The following MYCBP2 variants were observed in gnomAD, a reference collection of about 807,000 sequenced individuals.
MYCBP2 encodes the protein MYC binding protein 2.
MYCBP2 carries 120 observed loss-of-function variants against 525.3 expected under a neutral mutation model. That is an observed-to-expected ratio of 0.23 (90% CI 0.20 to 0.27). MYCBP2 has a LOEUF of 0.27. Ranked by LOEUF, MYCBP2 falls within the 10% of genes least tolerant of loss-of-function variation. The pLI, the probability that MYCBP2 is intolerant of heterozygous loss-of-function variation, is 1.00. For missense variants in MYCBP2, 4,149 were observed against 5,657.1 expected (o/e 0.73, Z 8.55); for synonymous variants, 1,894 against 1,955.8 (o/e 0.97, Z 0.83).
chr13:77,264,634 T>C (rs929546756), intron 8 of MYCBP2, among the ~76,000 whole-genome samples: 20 of 152,268 alleles, frequency 1.3e-4, no homozygotes, highest in African/African-American at 4.8e-4. Context: ...GTATCTTGGC[T>C]AGAATACCAT....
chr13:77,291,533 G>A (rs1594710821), intron 2 of MYCBP2, among the ~76,000 whole-genome samples: 2 of 152,226 alleles, frequency 1.3e-5, no homozygotes, highest in South Asian at 2.1e-4. Context: ...CACTTTGGGA[G>A]GCCAAGGCGG....
chr13:77,121,886 A>G (rs2050761566), intron 54 of MYCBP2, among the ~76,000 whole-genome samples: 1 of 152,188 alleles, frequency 6.6e-6, no homozygotes. Flanking sequence ...AGTATTTTGC[A>G]TATTAGTATT....
At chr13:77,071,286 C>CACAT (rs904560524) in intron 68 of MYCBP2, among the ~76,000 whole-genome samples, 1 of 151,746 alleles carries the variant, frequency 6.6e-6, no homozygotes, top group Non-Finnish European at 1.5e-5. Flanking sequence ...CACACACACA[C>CACAT]ACACACACAC....
intron 57 of MYCBP2, 114 bp downstream of exon 57, chr13:77,096,198 T>C: frequency 9.2e-7 from 1 of 1,090,976 alleles, no homozygotes. Context: ...TTATAAAAGC[T>C]GATCTTTTAA....
At chr13:77,254,961 A>G (rs2071906064) in intron 14 of MYCBP2, among the ~76,000 whole-genome samples, 1 of 151,848 alleles carries the variant, frequency 6.6e-6, no homozygotes, top group East Asian at 1.9e-4. Context: ...ATAATATTCT[A>G]TTGTGTATGT....
intron 82 of MYCBP2, among the ~76,000 whole-genome samples, chr13:77,049,617 G>A (rs1209794267): frequency 1.3e-5 from 2 of 151,780 alleles, no homozygotes; most frequent in African/African-American, 4.8e-5. Context: ...CTTACAAAAG[G>A]CAGCATACTG....
At chr13:77,053,066 A>G (rs1022463312) in intron 80 of MYCBP2, among the ~76,000 whole-genome samples, 2 of 151,644 alleles carry the variant, frequency 1.3e-5, no homozygotes, top group Non-Finnish European at 1.5e-5. Flanking sequence ...TGAGCCCAGG[A>G]GGTGGAGGCT....
chr13:77,254,520 C>T (rs1355390618), intron 14 of MYCBP2, among the ~76,000 whole-genome samples: 1 of 151,732 alleles, frequency 6.6e-6, no homozygotes. Context: ...ACTGTTATAC[C>T]TATTTATGGC....
intron 47 of MYCBP2, among the ~76,000 whole-genome samples, 164 bp from the exon 48 acceptor site, chr13:77,146,381 T>C (rs554617511): frequency 1.3e-5 from 2 of 151,474 alleles, no homozygotes; most frequent in South Asian, 4.2e-4. Flanking sequence ...AAAGATAAAT[T>C]CTACAAGGTT....
chr13:77,290,896 T>C (rs941900552), intron 2 of MYCBP2, among the ~76,000 whole-genome samples: 1 of 152,084 alleles, frequency 6.6e-6, no homozygotes, highest in African/African-American at 2.4e-5. Context: ...AAAATAAATT[T>C]TCAAAAATAA....
At chr13:77,258,348 C>G (rs2072610257) in intron 13 of MYCBP2, among the ~76,000 whole-genome samples, 1 of 152,158 alleles carries the variant, frequency 6.6e-6, no homozygotes, top group Admixed American at 6.5e-5. Context: ...CTAAACTTCA[C>G]TTATTCATGT....
In MYCBP2 at chr13:77,165,412, G is replaced by T. The variant is rs756099346; in HGVS notation, c.6341-21C>A. The T allele has an allele frequency of 1.7e-5, 26 of 1,518,642 alleles. No individual in the cohort carries two copies. The Middle Eastern group carries it at 8.9e-4, about 52-fold the overall frequency. The allele number at this position is 1,518,642 out of a possible 1,614,324, so 94.1% of individuals were successfully genotyped here. ...ATTTCCTAATAAAAATGCCAGAATT[G>T]AGTTCAAACTCTAAAACAATTTTAT... On this transcript the variant is annotated intron_variant, in intron 41 of 82. Transcript: ENST00000544440.
intron 68 of MYCBP2, among the ~76,000 whole-genome samples, chr13:77,071,273 A>ACG (rs1395840494): frequency 2.1e-5 from 2 of 95,224 alleles, no homozygotes; most frequent in Non-Finnish European, 4.5e-5. Context: ...GTGCACACGC[A>ACG]CACACACACA....
Position 77,099,007 on chromosome 13 carries a change from C to T in MYCBP2, c.8147G>A (p.Arg2716Gln), listed in dbSNP as rs138546129. ...DYGLGNSKGD[R>Q]GNISTSSKPA... ...TTTAGAAGATGTTGAGATGTTTCCTCGATCACCTGTATGGTCCATTTTACA... is the reference window on the plus strand; with the variant it reads ...TTTAGAAGATGTTGAGATGTTTCCTTGATCACCTGTATGGTCCATTTTACA... The change falls in exon 56 of 83, where the codon CGA becomes CAA. Residue 2716 changes from arginine to glutamine, a missense_variant. Arg to Gln is a conservative substitution (Grantham distance 43, BLOSUM62 1). Transcript: ENST00000544440. 4.1e-5 allele frequency: 65 copies of T among 1,604,778 alleles called. No individual in the cohort carries two copies. The African/African-American group carries it at 7.1e-4, about 18-fold the overall frequency.
At chr13:77,071,098 T>C (rs772852596) in intron 68 of MYCBP2, among the ~76,000 whole-genome samples, 28 of 152,062 alleles carry the variant, frequency 1.8e-4, no homozygotes, top group East Asian at 1.9e-4. Context: ...TCTGTGATGA[T>C]AGTGGTCTTA....
At chr13:77,267,043 G>T (rs2074206065) in intron 8 of MYCBP2, among the ~76,000 whole-genome samples, 1 of 151,962 alleles carries the variant, frequency 6.6e-6, no homozygotes, top group African/African-American at 2.4e-5. Flanking sequence ...CTTTCAGATG[G>T]TCAAACGCTT....
At chr13:77,201,864 T>C (rs2062624745) in intron 26 of MYCBP2, among the ~76,000 whole-genome samples, 1 of 151,932 alleles carries the variant, frequency 6.6e-6, no homozygotes, top group Non-Finnish European at 1.5e-5. Flanking sequence ...AGACGCAACA[T>C]ACCAGAATCT....
intron 20 of MYCBP2, among the ~76,000 whole-genome samples, chr13:77,218,519 C>T (rs1426906447): frequency 6.6e-6 from 1 of 152,130 alleles, no homozygotes; most frequent in Non-Finnish European, 1.5e-5. Flanking sequence ...ATCCTGGCTC[C>T]CCAACTTAAT....
Position 77,255,621 on chromosome 13 carries a change from A to C in MYCBP2, c.2176+2050T>G, listed in dbSNP as rs888388756. On this transcript the variant is annotated intron_variant, in intron 14 of 82. Transcript: ENST00000544440. ...GTTCACTAATTTAGTAATAAATCAA[A>C]GTATTTCCATTGTGAAGTAATCCAT... Among the ~76,000 whole-genome samples the C allele has an allele frequency of 6.6e-5, 10 of 151,952 alleles. 1 individual carries two copies. The highest frequency in any genetic ancestry group is 5.9e-4 in the Admixed American group (9 of 15,242).
Sources: allele counts gnomAD v4.1 joint callset (sites outside exome capture counted in the v4.1 genomes callset), GRCh38; gene constraint gnomAD v4.1.1; transcripts MANE v1.5; gene names NCBI Gene and HGNC (gene_info 2026-07-23, HGNC 2026-07-21).